The following TEAD4 variants were observed in gnomAD, a reference collection of about 807,000 sequenced individuals.
TEAD4 encodes the protein TEA domain transcription factor 4, also known as transcriptional enhancer factor TEF-3.
TEAD4 carries 36 observed loss-of-function variants against 52.4 expected under a neutral mutation model. The observed-to-expected ratio is 0.69, with a 90% CI of 0.53 to 0.91. The LOEUF is 0.91. TEAD4 is among the 40% of genes least tolerant of loss of function. The pLI is 0.00. For missense variants in TEAD4, 508 were observed against 583.9 expected, an observed-to-expected ratio of 0.87 and a Z score of 1.34; for synonymous variants, 220 against 231.0, an observed-to-expected ratio of 0.95 and a Z score of 0.43.
intron 3 of TEAD4, among the ~76,000 whole-genome samples, chr12:3,004,723 A>G (rs898101307): frequency 9.9e-5 from 15 of 152,254 alleles, no homozygotes; most frequent in African/African-American, 3.1e-4. Context: ...AGATACTTGT[A>G]CTGATGAGGT....
intron 6 of TEAD4, 142 bp from the exon 7 acceptor site, chr12:3,018,403 T>A (rs940285381): frequency 3.1e-5 from 27 of 880,980 alleles, no homozygotes; most frequent in African/African-American, 5.0e-5. Context: ...TGTGGCCTGT[T>A]AGCATTCACT....
intron 10 of TEAD4, among the ~76,000 whole-genome samples, chr12:3,037,279 G>T (rs2098279991): frequency 6.6e-6 from 1 of 152,180 alleles, no homozygotes; most frequent in Admixed American, 6.5e-5. Context: ...AGATTCCCGG[G>T]GCAGTTAAGA....
At chr12:2,964,405 G>GACCC (rs966157416) in intron 2 of TEAD4, among the ~76,000 whole-genome samples, 18 of 152,228 alleles carry the variant, frequency 1.2e-4, no homozygotes, top group South Asian at 4.2e-4. Flanking sequence ...CAAAGCTCTG[G>GACCC]ACAGGGAGTC....
chr12:3,033,378 T>C (rs1250849890), intron 10 of TEAD4, among the ~76,000 whole-genome samples: 1 of 152,184 alleles, frequency 6.6e-6, no homozygotes, highest in African/African-American at 2.4e-5. Flanking sequence ...ACTGATGCGA[T>C]GAAGCTCCCT....
chr12:3,032,287 G>T (rs917320987), intron 10 of TEAD4, among the ~76,000 whole-genome samples: 11 of 152,212 alleles, frequency 7.2e-5, no homozygotes, highest in Non-Finnish European at 1.3e-4. Context: ...ATGGGATTCA[G>T]CAGGTTCCCT....
chr12:3,001,963 G>A (rs1296700897), intron 3 of TEAD4, among the ~76,000 whole-genome samples: 2 of 151,954 alleles, frequency 1.3e-5, no homozygotes, highest in African/African-American at 4.8e-5. Flanking sequence ...TGGGTGTGGT[G>A]TGCACCTGTA....
intron 2 of TEAD4, among the ~76,000 whole-genome samples, chr12:2,978,463 A>C (rs2098231611): frequency 1.3e-5 from 2 of 149,134 alleles, no homozygotes; most frequent in African/African-American, 4.9e-5. Context: ...CCCAGGCTGG[A>C]GTGCAGTGGT....
chr12:3,036,753 G>A (rs1376480450), intron 10 of TEAD4, among the ~76,000 whole-genome samples: 2 of 152,154 alleles, frequency 1.3e-5, no homozygotes, highest in African/African-American at 4.8e-5. Context: ...GTGATTTGAT[G>A]TGGGGCTGGA....
intron 5 of TEAD4, chr12:3,017,150 C>T (rs977544328): frequency 1.5e-6 from 1 of 660,898 alleles, no homozygotes; most frequent in Non-Finnish European, 2.8e-6. Context: ...GATAATGTCT[C>T]TGTAAGCTCT....
chr12:2,986,453 C>T (rs1403880828), intron 2 of TEAD4, among the ~76,000 whole-genome samples: 1 of 151,836 alleles, frequency 6.6e-6, no homozygotes, highest in Non-Finnish European at 1.5e-5. Context: ...GCCTGGCCAA[C>T]ATGGTGAAAC....
chr12:2,985,415 A>C (rs765050871), intron 2 of TEAD4, among the ~76,000 whole-genome samples: 1 of 151,698 alleles, frequency 6.6e-6, no homozygotes, highest in African/African-American at 2.4e-5. Context: ...AACAAAACCC[A>C]AAAACGCAAA....
chr12:2,997,590 T>C (rs1047550713), intron 3 of TEAD4, among the ~76,000 whole-genome samples: 62 of 151,636 alleles, frequency 4.1e-4, no homozygotes, highest in African/African-American at 1.4e-3. Flanking sequence ...CTGTGGTGTA[T>C]GTCCTGGACC....
At chr12:2,995,055 C>A in intron 3 of TEAD4, 63 bp downstream of exon 3, 1 of 1,555,628 alleles carries the variant, frequency 6.4e-7, no homozygotes, top group South Asian at 1.2e-5. Context: ...ACACCAGAAC[C>A]TTGGGGTTCC....
intron 2 of TEAD4, among the ~76,000 whole-genome samples, chr12:2,988,497 CAAAAAAAGCTCAAAAAAAAAAA>C (rs1458806864): frequency 1.3e-5 from 1 of 75,906 alleles, no homozygotes; most frequent in African/African-American, 5.1e-5. Flanking sequence ...CCAGCCTGGG[CAAAAAAAGCTCAAAAAAAAAAA>C]AAAAAAAGAT....
chr12:2,983,371 C>T (rs1443376184), intron 2 of TEAD4, among the ~76,000 whole-genome samples: 2 of 152,172 alleles, frequency 1.3e-5, no homozygotes, highest in Non-Finnish European at 1.5e-5. Context: ...GCCTTCTGAG[C>T]AGAGCCACAC....
intron 2 of TEAD4, among the ~76,000 whole-genome samples, chr12:2,990,461 CTTTTTTTTTTTTTTTT>C (rs71057876): frequency 3.0e-5 from 2 of 67,000 alleles, no homozygotes; most frequent in Non-Finnish European, 5.2e-5. Flanking sequence ...GACAGATAAT[CTTTTTTTTTTTTTTTT>C]TTTTTTTTTT....
chr12:2,981,407 T>A (rs1332340850), intron 2 of TEAD4, among the ~76,000 whole-genome samples: 1 of 152,152 alleles, frequency 6.6e-6, no homozygotes, highest in Non-Finnish European at 1.5e-5. Flanking sequence ...CTGGCCAGAG[T>A]AGCACAGCAC....
At chr12:2,986,926 C>T (rs2098239023) in intron 2 of TEAD4, among the ~76,000 whole-genome samples, 1 of 152,158 alleles carries the variant, frequency 6.6e-6, no homozygotes, top group Non-Finnish European at 1.5e-5. Context: ...TATGGGACCC[C>T]CTTTGAATGA....
chr12:3,006,342 C>T (rs1421905107), intron 3 of TEAD4, among the ~76,000 whole-genome samples: 1 of 152,110 alleles, frequency 6.6e-6, no homozygotes, highest in African/African-American at 2.4e-5. Flanking sequence ...AAATCTGGAA[C>T]ACTTCTGGTT....
Sources: gnomAD v4.1 joint callset for allele counts (sites outside exome capture counted in the v4.1 genomes callset) on GRCh38, gnomAD v4.1.1 for gene constraint, MANE v1.5 for transcripts, NCBI Gene and HGNC (gene_info 2026-07-23, HGNC 2026-07-21) for gene names.